The following CHD3 variants were observed in gnomAD, a reference collection of about 807,000 sequenced individuals.
The protein encoded by CHD3 is ATP-dependent chromatin remodeler CHD3.
In CHD3, 52 loss-of-function variants were observed where a neutral mutation model predicts 248.9. The observed-to-expected ratio is 0.21, with a 90% CI of 0.17 to 0.26. CHD3 has a LOEUF of 0.26. CHD3 is among the 10% of genes least tolerant of loss of function. The probability of loss-of-function intolerance (pLI) is 1.00; values close to 1 mark genes in which losing one functional copy is unlikely to be tolerated. For synonymous variants in CHD3, 985 were observed against 985.2 expected (o/e 1.00, Z 0.00); for missense variants, 1,482 against 2,605.8 (o/e 0.57, Z 9.39).
rs113677362 is a variant in CHD3, at chr17:7,906,242, C to T, written c.4358+253C>T. ...GTTGAAGCAAGGAGCCTCTCCTGGGCTGTCCTAGCCTCACATTTACTTGAC... is the reference window on the plus strand; with the variant it reads ...GTTGAAGCAAGGAGCCTCTCCTGGGTTGTCCTAGCCTCACATTTACTTGAC... On this transcript the variant is annotated intron_variant, in intron 28 of 39. Coordinates refer to ENST00000330494, the MANE Select transcript of CHD3 (RefSeq NM_001005273.3). The surrounding 1 kb of genome is among the most constrained non-coding windows in gnomAD (Gnocchi z 5.0). 4 of 731,416 alleles carry T rather than the reference C, an allele frequency of 5.5e-6. No individual in the cohort carries two copies. Among genetic ancestry groups the T allele is most frequent in the African/African-American group, 1.7e-5 (1 of 57,792 alleles). 45.3% of individuals were successfully genotyped at this position (731,416 alleles called of 1,614,324 possible).
In CHD3 at chr17:7,908,381, T is replaced by A; in HGVS notation, c.5153-21T>A. 6.3e-7 allele frequency: 1 copy of A among 1,599,912 alleles called. No homozygotes were observed. Among genetic ancestry groups the A allele is most frequent in the Admixed American group, 1.7e-5 (1 of 58,650 alleles). On this transcript the variant is annotated intron_variant, in intron 34 of 39. Transcript: ENST00000330494. This position sits in a 1 kb window ranked among gnomAD's most constrained non-coding sequence, Gnocchi z 5.8. Reference sequence around the variant, plus strand: ...GTCTGCAAAACCCTGTTACCTCTTCTGTCTGCTGCCTTCTTTGCAGAGCTT... The same window carrying A: ...GTCTGCAAAACCCTGTTACCTCTTCAGTCTGCTGCCTTCTTTGCAGAGCTT...
chr17:7,894,156 G>C lies in CHD3; in HGVS notation c.966G>C (p.Glu322Asp), dbSNP rs143999586. The part of the protein sequence containing the change: ...QSDEGPEPEA[E>D]ESDLDSGSVH... ...ACGAAGGTCCTGAACCAGAGGCTGA[G>C]GAATCAGACCTGGACAGTGGCAGTG... Residue 322 changes from glutamate (E) to aspartate (D), a missense_variant, in exon 7 of 40, where the codon GAG becomes GAC. Coordinates refer to ENST00000330494, the MANE Select transcript of CHD3 (RefSeq NM_001005273.3). The C allele has an allele frequency of 6.2e-6, 10 of 1,614,182 alleles. No homozygotes were observed. Among genetic ancestry groups the C allele is most frequent in the Non-Finnish European group, 8.5e-6 (10 of 1,180,008 alleles).
rs781081716 is a variant in CHD3 at position 7,893,946 on chromosome 17, C to T, written c.924+11C>T. The stretch of plus-strand genomic sequence containing the variant: ...AAGAAAGGAGGCTCGGTGAGTGACC[C>T]GTCCCTGTCTACTAAACACCTGGGG... On this transcript the variant is annotated intron_variant, in intron 6 of 39. Transcript: ENST00000330494. The T allele has an allele frequency of 3.4e-5, 49 of 1,460,128 alleles. 1 individual carries two copies. The highest frequency in any genetic ancestry group is 1.0e-4 in the East Asian group (3 of 29,250). The allele number at this position is 1,460,128 out of a possible 1,614,324, so 90.4% of individuals were successfully genotyped here. A position where few individuals can be genotyped will look rare whatever the true frequency, so the allele number is the denominator to read the frequency against.
chr17:7,900,808 T>C lies in CHD3; in HGVS notation c.2979-44T>C. On this transcript the variant is annotated intron_variant, in intron 18 of 39. Transcript: ENST00000330494. This position sits in a 1 kb window ranked among gnomAD's most constrained non-coding sequence, Gnocchi z 6.5. ...GTTCCAAGTGCAATATCATAATTGCTTCCTTTATTTATGTTTCTTTTACAC... is the reference window on the plus strand; with the variant it reads ...GTTCCAAGTGCAATATCATAATTGCCTCCTTTATTTATGTTTCTTTTACAC... The C allele has an allele frequency of 6.2e-7, 1 of 1,611,348 alleles. No individual in the cohort carries two copies. The highest frequency in any genetic ancestry group is 8.5e-7 in the Non-Finnish European group (1 of 1,177,984).
At chr17:7,887,372 G>C (rs959462552), upstream of CHD3, among the ~76,000 whole-genome samples, 1 of 151,746 alleles carries the variant, frequency 6.6e-6, no homozygotes, top group East Asian at 1.9e-4. Context: ...GTGGGGGAAG[G>C]GAGCAGGAAG....
At position 7,892,017 on chromosome 17, in the gene CHD3, T is replaced by C. The variant is rs182112232; in HGVS notation, c.509+953T>C. Among the ~76,000 whole-genome samples the C allele has an allele frequency of 2.4e-3, 358 of 152,310 alleles. 4 individuals carry two copies. The highest frequency in any genetic ancestry group is 8.2e-3 in the African/African-American group (340 of 41,562). On this transcript the variant is annotated intron_variant, in intron 4 of 39. Coordinates refer to ENST00000330494, the MANE Select transcript of CHD3 (RefSeq NM_001005273.3). ...AACTTCTTCAATCCTCAATTTCCTCTTCTATAAACGGGGAATAATAATATA... is the reference window on the plus strand; with the variant it reads ...AACTTCTTCAATCCTCAATTTCCTCCTCTATAAACGGGGAATAATAATATA...
intron 4 of CHD3, among the ~76,000 whole-genome samples, chr17:7,892,940 AT>A (rs1390690107): frequency 2.7e-5 from 4 of 150,412 alleles, no homozygotes; most frequent in East Asian, 1.9e-4. Flanking sequence ...CCAGCTAATT[AT>A]TTTTTTTTAT....
rs1970154221 is a variant in CHD3 at position 7,900,259 on chromosome 17, T to C, written c.2683-31T>C. On this transcript the variant is annotated intron_variant, in intron 16 of 39. Coordinates refer to ENST00000330494, the MANE Select transcript of CHD3 (RefSeq NM_001005273.3). This position sits in a 1 kb window ranked among gnomAD's most constrained non-coding sequence, Gnocchi z 6.5. ...CGGTCACTTGTCACTAATAAGCCCA[T>C]TTTCCTGCCTTGCCTTGCCCCATCT... 3.7e-6 allele frequency: 6 copies of C among 1,613,546 alleles called. No individual in the cohort carries two copies. The East Asian group carries it at 1.3e-4, about 36-fold the overall frequency.
Position 7,904,455 on chromosome 17 carries a change from A to G in CHD3, c.3908A>G (p.Glu1303Gly). The part of the protein sequence containing the change: ...VREEDKIEEI[E>G]REIIKQEENV... ...GTTGCCCTTCAGATTGAGGAAATTG[A>G]GCGAGAGATCATCAAGCAGGAGGAG... Residue 1303 changes from glutamate (E) to glycine (G), a missense_variant, in exon 25 of 40, where the codon GAG becomes GGG. Physicochemically the swap from Glu to Gly is moderately conservative, Grantham distance 98. Around this residue, in one of 20 missense-constraint regions of CHD3, gnomAD observed 156 missense variants for 420.3 expected, o/e 0.37. Transcript: ENST00000330494. This position sits in a 1 kb window ranked among gnomAD's most constrained non-coding sequence, Gnocchi z 4.4. 1.2e-6 allele frequency: 2 copies of G among 1,613,510 alleles called. No individual in the cohort carries two copies. Among genetic ancestry groups the G allele is most frequent in the Non-Finnish European group, 1.7e-6 (2 of 1,179,558 alleles).
In CHD3 at chr17:7,909,735, CAT is replaced by C. The variant is rs1322606187; in HGVS notation, c.5590+398_5590+399del. 4.9e-5 allele frequency: 11 copies of C among 222,566 alleles called. No homozygotes were observed. Among genetic ancestry groups the C allele is most frequent in the African/African-American group, 1.2e-4 (5 of 42,940 alleles). The allele number at this position is 222,566 out of a possible 1,614,324, so 13.8% of individuals were successfully genotyped here. On this transcript the variant is annotated intron_variant, in intron 37 of 39. Coordinates refer to ENST00000330494, the MANE Select transcript of CHD3 (RefSeq NM_001005273.3). This position sits in a 1 kb window ranked among gnomAD's most constrained non-coding sequence, Gnocchi z 8.1. ...TGATCAAACAAATCACATTCCCTCA[CAT>C]GTGTTTCACCCCATAAGGCAGAAAC...
rs993263651 is a variant in CHD3, at chr17:7,906,805, A to G, written c.4504-64A>G. The stretch of plus-strand genomic sequence containing the variant: ...CTTGCGCTGGTGTGAGACGGAGGAG[A>G]CTGGAGCTTCCTGTCTGTAAGCGCC... On this transcript the variant is annotated intron_variant, in intron 29 of 39. Coordinates refer to ENST00000330494, the MANE Select transcript of CHD3 (RefSeq NM_001005273.3). This position sits in a 1 kb window ranked among gnomAD's most constrained non-coding sequence, Gnocchi z 5.0. 6.2e-7 allele frequency: 1 copy of G among 1,602,744 alleles called. No individual in the cohort carries two copies.
At position 7,908,422 on chromosome 17, in the gene CHD3, A is replaced by T. The variant is rs1971254376; in HGVS notation, c.5173A>T (p.Asn1725Tyr). The T allele has an allele frequency of 5.6e-6, 9 of 1,613,596 alleles. No homozygotes were observed. In the East Asian group the frequency reaches 2.0e-4, roughly 36 times the overall value. Residue 1725 changes from asparagine to tyrosine, a missense_variant, in exon 35 of 40, where the codon AAT (asparagine) becomes TAT (tyrosine). Coordinates refer to ENST00000330494, the MANE Select transcript of CHD3 (RefSeq NM_001005273.3). The surrounding 1 kb of genome is among the most constrained non-coding windows in gnomAD (Gnocchi z 5.8). Reference protein sequence around the residue: ...GFTELHTLWQNEERAAISSGK... With the variant: ...GFTELHTLWQYEERAAISSGK... ...TGCAGAGCTTCACACACTGTGGCAG[A>T]ATGAGGAACGGGCAGCTATTTCCTC...
Position 7,910,714 on chromosome 17 carries a change from C to T in CHD3, c.5754+123C>T. 1 of 1,502,364 alleles carries T rather than the reference C, an allele frequency of 6.7e-7. No homozygotes were observed. The highest frequency in any genetic ancestry group is 9.0e-7 in the Non-Finnish European group (1 of 1,114,692). 93.1% of individuals were successfully genotyped at this position (1,502,364 alleles called of 1,614,324 possible). ...AACTTGCTAGAACACAGTCATCACC[C>T]TTGAGTGAGTCTCCCTGCCTGTGTA... On this transcript the variant is annotated intron_variant, in intron 38 of 39. Transcript: ENST00000330494. This position sits in a 1 kb window ranked among gnomAD's most constrained non-coding sequence, Gnocchi z 4.7.
upstream of CHD3, among the ~76,000 whole-genome samples, chr17:7,885,745 G>A (rs552739367): frequency 0.12 from 17,741 of 152,142 alleles, 1,141 homozygotes; most frequent in African/African-American, 0.17. Context: ...TTAGGTGCCC[G>A]CCAACTGAGG....
chr17:7,896,178 A>G (rs1221843101), intron 10 of CHD3, among the ~76,000 whole-genome samples: 1 of 148,662 alleles, frequency 6.7e-6, no homozygotes, highest in African/African-American at 2.5e-5. Context: ...CAGTGAGCCA[A>G]GATCGTGTCC....
At chr17:7,896,047 G>A (rs1969594780) in intron 10 of CHD3, among the ~76,000 whole-genome samples, 1 of 151,888 alleles carries the variant, frequency 6.6e-6, no homozygotes, top group Non-Finnish European at 1.5e-5. Flanking sequence ...CTAACATGGT[G>A]AAACCCCATC....
chr17:7,896,349 A>G (rs1404954112), intron 10 of CHD3, among the ~76,000 whole-genome samples: 4 of 145,364 alleles, frequency 2.8e-5, no homozygotes, highest in African/African-American at 7.7e-5. Context: ...CATTTTATTT[A>G]TTCTCCGTCT....
At chr17:7,890,019 G>A (rs1422110143) in intron 2 of CHD3, among the ~76,000 whole-genome samples, 1 of 152,128 alleles carries the variant, frequency 6.6e-6, no homozygotes, top group Non-Finnish European at 1.5e-5. Flanking sequence ...GCAGCAAAGA[G>A]AAGCAGTTGA....
At chr17:7,885,138 G>A, upstream of CHD3, 1 of 982,736 alleles carries the variant, frequency 1.0e-6, no homozygotes, top group Non-Finnish European at 1.2e-6. Flanking sequence ...GCGGGCGCGC[G>A]AAGCCGGGCG....
Sources: gnomAD v4.1 joint callset for allele counts (sites outside exome capture counted in the v4.1 genomes callset) on GRCh38, gnomAD v4.1.1 for gene constraint, gnomAD v4.1.1 regional missense constraint, Gnocchi (gnomAD v3.1) non-coding constraint, MANE v1.5 for transcripts, NCBI Gene and HGNC (gene_info 2026-07-23, HGNC 2026-07-21) for gene names.